The following ZBTB16 variants were observed in gnomAD, a reference collection of about 807,000 sequenced individuals.
The protein encoded by ZBTB16 is zinc finger and BTB domain-containing protein 16.
In ZBTB16, 8 loss-of-function variants were observed where a neutral mutation model predicts 56.8. The ratio of observed to expected loss-of-function variants is 0.14; its 90% CI spans 0.08 to 0.25. ZBTB16 has a LOEUF of 0.25. ZBTB16 is among the 10% of genes least tolerant of loss of function. The pLI is 1.00. For synonymous variants in ZBTB16, 363 were observed against 368.5 expected, an observed-to-expected ratio of 0.98 and a Z score of 0.17; for missense variants, 625 against 903.0, an observed-to-expected ratio of 0.69 and a Z score of 3.95.
intron 2 of ZBTB16, among the ~76,000 whole-genome samples, chr11:114,126,367 C>A (rs1591692764): frequency 6.6e-6 from 1 of 152,176 alleles, no homozygotes; most frequent in Admixed American, 6.5e-5. Flanking sequence ...TGGCAGCTGT[C>A]CATTCCGGCC....
chr11:114,079,452 G>A (rs1340675697), intron 2 of ZBTB16, among the ~76,000 whole-genome samples: 1 of 152,194 alleles, frequency 6.6e-6, no homozygotes, highest in Non-Finnish European at 1.5e-5. Flanking sequence ...GGTGAATAAT[G>A]TTAGTACATT....
Position 114,144,047 on chromosome 11 carries a change from G to A in ZBTB16, c.1269-12290G>A, listed in dbSNP as rs1404027054. ...TGAGGCCCAGCAGGGAAGAGGATTC[G>A]TATTTGTTGCTTTTATTTTATTTTT... On this transcript the variant is annotated intron_variant, in intron 2 of 6. Coordinates refer to ENST00000335953, the MANE Select transcript of ZBTB16 (RefSeq NM_006006.6). Among the ~76,000 whole-genome samples the A allele has an allele frequency of 5.3e-5, 8 of 152,252 alleles. No individual in the cohort carries two copies. In the East Asian group the frequency reaches 1.2e-3, roughly 22 times the overall value.
At chr11:114,095,983 T>G (rs1254481824) in intron 2 of ZBTB16, among the ~76,000 whole-genome samples, 2 of 152,330 alleles carry the variant, frequency 1.3e-5, no homozygotes, top group East Asian at 3.9e-4. Context: ...TTACACAAAA[T>G]TGGCTTAGAA....
intron 2 of ZBTB16, among the ~76,000 whole-genome samples, chr11:114,135,281 A>G (rs1045163365): frequency 6.6e-6 from 1 of 152,306 alleles, no homozygotes; most frequent in South Asian, 2.1e-4. Context: ...CTGAAGATGT[A>G]CAATTTGTGA....
At chr11:114,167,649 A>G (rs1472447618) in intron 3 of ZBTB16, among the ~76,000 whole-genome samples, 1 of 151,708 alleles carries the variant, frequency 6.6e-6, no homozygotes, top group African/African-American at 2.4e-5. Context: ...TTTTCTCCCC[A>G]GCCCCCTCCT....
chr11:114,185,077 G>A lies in ZBTB16; in HGVS notation c.1367-1875G>A, dbSNP rs1391133178. 9.9e-5 allele frequency among the ~76,000 whole-genome samples: 15 copies of A among 151,898 alleles called. No homozygotes were observed. The East Asian group carries it at 1.2e-3, about 12-fold the overall frequency. ...AACAGAATTAGTCAGGCATGGTGGC[G>A]TGCACCTGTTGTCCCAGCTACTCAG... is the stretch of plus-strand genomic sequence containing the variant. On this transcript the variant is annotated intron_variant, in intron 3 of 6. Transcript: ENST00000335953.
chr11:114,204,630 C>A (rs1935544105), intron 4 of ZBTB16, among the ~76,000 whole-genome samples: 1 of 152,126 alleles, frequency 6.6e-6, no homozygotes, highest in South Asian at 2.1e-4. Context: ...GGGACCAGAC[C>A]CTGTATCCAG....
intron 4 of ZBTB16, among the ~76,000 whole-genome samples, chr11:114,231,456 C>T (rs1422810766): frequency 6.6e-6 from 1 of 152,142 alleles, no homozygotes; most frequent in African/African-American, 2.4e-5. Flanking sequence ...TACTCTCAGA[C>T]CCAGCTACTC....
chr11:114,101,297 G>A (rs1379725216), intron 2 of ZBTB16, among the ~76,000 whole-genome samples: 1 of 152,018 alleles, frequency 6.6e-6, no homozygotes. Context: ...GAGCCACAGC[G>A]CGAGGCCTTG....
In ZBTB16 at chr11:114,254,934, C is replaced by A. The variant is rs755809444; in HGVS notation, c.*4379C>A. Among the ~76,000 whole-genome samples the A allele has an allele frequency of 6.6e-6, 1 of 152,128 alleles. No individual in the cohort carries two copies. The highest frequency in any genetic ancestry group is 6.5e-5 in the Admixed American group (1 of 15,284). On this transcript the variant is annotated 3_prime_UTR_variant, in exon 7 of 7. Transcript: ENST00000335953. The stretch of plus-strand genomic sequence containing the variant: ...AAAGAGGGGTGCAGGCCCTGCAGGC[C>A]GGTTAGCCAGCAGCTGCGGCCTCCC...
intron 2 of ZBTB16, among the ~76,000 whole-genome samples, chr11:114,149,165 C>T (rs1001815000): frequency 3.3e-5 from 5 of 152,158 alleles, no homozygotes; most frequent in African/African-American, 9.7e-5. Context: ...TCATCTAGCT[C>T]AACCTTTGCA....
intron 5 of ZBTB16, 27 bp from the exon 6 acceptor site, chr11:114,247,171 G>C (rs778779924): frequency 8.7e-6 from 14 of 1,614,086 alleles, no homozygotes; most frequent in Non-Finnish European, 1.1e-5. Context: ...AGAGGCAAAG[G>C]CCTGATCCAG....
rs1944967005 is a variant in ZBTB16 at position 114,254,438 on chromosome 11, T to C, written c.*3883T>C. On this transcript the variant is annotated 3_prime_UTR_variant, in exon 7 of 7. Transcript: ENST00000335953. ...ACTGCTGCAATTTTTCACAAGTGTA[T>C]GGTACCTTTCTGGATGCTATTGGTA... Among the ~76,000 whole-genome samples, 1 of 152,184 alleles carries C rather than the reference T, an allele frequency of 6.6e-6. No homozygotes were observed. Among genetic ancestry groups the C allele is most frequent in the Non-Finnish European group, 1.5e-5 (1 of 68,018 alleles).
chr11:114,215,553 A>G (rs893952638), intron 4 of ZBTB16, among the ~76,000 whole-genome samples: 2 of 152,236 alleles, frequency 1.3e-5, no homozygotes, highest in African/African-American at 4.8e-5. Flanking sequence ...AGAGAAATTA[A>G]GAGAAAGACT....
At chr11:114,159,161 T>A (rs1942507150) in intron 3 of ZBTB16, among the ~76,000 whole-genome samples, 1 of 152,236 alleles carries the variant, frequency 6.6e-6, no homozygotes, top group South Asian at 2.1e-4. Context: ...AGTGTGACTG[T>A]GCAACTGCCC....
intron 4 of ZBTB16, among the ~76,000 whole-genome samples, chr11:114,200,840 C>T (rs931105211): frequency 4.6e-5 from 7 of 152,144 alleles, no homozygotes; most frequent in Admixed American, 1.3e-4. Context: ...TCCTTAGTGA[C>T]GCCATGGCTG....
intron 2 of ZBTB16, among the ~76,000 whole-genome samples, chr11:114,083,178 C>T (rs967373485): frequency 1.3e-5 from 2 of 152,160 alleles, no homozygotes; most frequent in Non-Finnish European, 1.5e-5. Context: ...GCAGCATGGC[C>T]TTGGGCTACG....
At chr11:114,134,856 A>G (rs1370296451) in intron 2 of ZBTB16, among the ~76,000 whole-genome samples, 3 of 152,254 alleles carry the variant, frequency 2.0e-5, no homozygotes, top group Admixed American at 6.5e-5. Flanking sequence ...ATTGTATGAT[A>G]GACACTGCTG....
At chr11:114,242,132 C>G in intron 4 of ZBTB16, 35 bp from the exon 5 acceptor site, 1 of 1,612,846 alleles carries the variant, frequency 6.2e-7, no homozygotes, top group Non-Finnish European at 8.5e-7. Context: ...TGTATTCCCA[C>G]CTTTCTGAGG....
Sources: allele counts gnomAD v4.1 joint callset (sites outside exome capture counted in the v4.1 genomes callset), GRCh38; gene constraint gnomAD v4.1.1; transcripts MANE v1.5; gene names NCBI Gene and HGNC (gene_info 2026-07-23, HGNC 2026-07-21).